Variants in PLEC observed in about 807,000 individuals in gnomAD.
PLEC encodes plectin.
Under a neutral mutation model 392.8 loss-of-function variants are expected in PLEC, and 216 were observed. That is an observed-to-expected ratio of 0.55 (90% confidence interval 0.49 to 0.62). The LOEUF is 0.62. Among genes scored for constraint, PLEC ranks in the 20% least tolerant of loss-of-function variants. PLEC has a pLI of 0.00. For synonymous variants in PLEC, 3,621 were observed against 2,980.6 expected (o/e 1.21, Z -7.00); for missense variants, 6,863 against 6,563.4 (o/e 1.05, Z -1.58).
At chr8:143,971,988 G>A (rs1554744456) in intron 1 of PLEC, among the ~76,000 whole-genome samples, 3 of 152,182 alleles carry the variant, frequency 2.0e-5, no homozygotes, top group African/African-American at 7.2e-5. Context: ...TCCCACCCCA[G>A]GAGGTAGAGG....
At chr8:143,975,938 G>A (rs1367471348), upstream of PLEC, among the ~76,000 whole-genome samples, 2 of 151,954 alleles carry the variant, frequency 1.3e-5, no homozygotes, top group African/African-American at 4.8e-5. The surrounding 1 kb of genome is among the most constrained non-coding windows in gnomAD (Gnocchi z 9.9). Flanking sequence ...GCTGACCACC[G>A]CCCCCTCCAC....
intron 1 of PLEC, among the ~76,000 whole-genome samples, chr8:143,960,541 C>T (rs1210599241): frequency 6.6e-6 from 1 of 151,848 alleles, no homozygotes; most frequent in African/African-American, 2.4e-5. Flanking sequence ...CCCTCTAACC[C>T]GGGAGGCGGA....
upstream of PLEC, among the ~76,000 whole-genome samples, chr8:143,951,734 C>T (rs1234907457): frequency 6.6e-6 from 1 of 152,148 alleles, no homozygotes; most frequent in East Asian, 1.9e-4. Flanking sequence ...CCCAAGTGCC[C>T]GTCTGCAGGC....
chr8:143,956,662 C>T (rs774078807), upstream of PLEC, among the ~76,000 whole-genome samples: 1 of 152,254 alleles, frequency 6.6e-6, no homozygotes, highest in Non-Finnish European at 1.5e-5. Flanking sequence ...CATGCACCGA[C>T]TCCGCCTTTA....
rs781818101 is a variant in PLEC, at chr8:143,925,110, G to A, written c.4819C>T (p.Arg1607Trp). Residue 1607 changes from arginine (R) to tryptophan (W), a missense_variant, in exon 31 of 32, where the codon CGG (arginine) becomes TGG (tryptophan). Transcript: ENST00000345136. ...QEEHVAVAQL[R>W]EEAERRAQQQ... ...TGTGCCCGCCGCTCAGCCTCCTCCC[G>A]CAGCTGTGCCACAGCCACGTGTTCC... is the stretch of plus-strand genomic sequence containing the variant. 25 of 1,554,256 alleles carry A rather than the reference G, an allele frequency of 1.6e-5. No homozygotes were observed. Among genetic ancestry groups the A allele is most frequent in the Admixed American group, 9.3e-5 (5 of 53,786 alleles).
chr8:143,927,559 C>G lies in PLEC; in HGVS notation c.3607G>C (p.Glu1203Gln), dbSNP rs1416611970. 2 of 1,593,134 alleles carry G rather than the reference C, an allele frequency of 1.3e-6. No homozygotes were observed. The highest frequency in any genetic ancestry group is 1.3e-5 in the African/African-American group (1 of 74,756). The part of the protein sequence containing the change: ...AQTDVRQREL[E>Q]QLGRQLRYYR... ...TAACGCAGCTGGCGGCCCAGTTGCT[C>G]GAGCTCGCGCTGCCGCACGTCGGTC... The change falls in exon 27 of 32, where the codon GAG (glutamate) becomes CAG (glutamine). Residue 1203 changes from glutamate (E) to glutamine (Q), a missense_variant. Physicochemically the swap from Glu to Gln is conservative, Grantham distance 29. Coordinates refer to ENST00000345136, the MANE Select transcript of PLEC (RefSeq NM_201384.3).
intron 25 of PLEC, 64 bp downstream of exon 25, chr8:143,929,037 TCA>T: frequency 7.0e-7 from 1 of 1,424,418 alleles, no homozygotes. Context: ...TCCTGCAAGG[TCA>T]CAGCCCTCAC....
At chr8:143,933,404 C>A (rs1827994720) in intron 12 of PLEC, 53 bp from the exon 13 acceptor site, 1 of 1,598,708 alleles carries the variant, frequency 6.3e-7, no homozygotes, top group Non-Finnish European at 8.5e-7. Context: ...TCTGACCTCA[C>A]AGGGGCCCCG....
At position 143,929,674 on chromosome 8, in the gene PLEC, G is replaced by A. The variant is rs782056466; in HGVS notation, c.2895C>T (p.Tyr965=). 3 of 1,601,030 alleles carry A rather than the reference G, an allele frequency of 1.9e-6. No individual in the cohort carries two copies. The highest frequency in any genetic ancestry group is 1.3e-5 in the African/African-American group (1 of 74,888). ...EREYGSCSHH[Y]QQLLQSLEQG... is the part of the protein sequence containing the mutation. ...GTTCCAGGCTCTGCAGCAGCTGCTG[G>A]TAGTGGTGGCTGCAGGAGCCGTACT... Residue 965 remains tyrosine, a synonymous_variant, in exon 23 of 32, where the codon TAC becomes TAT. Coordinates refer to ENST00000345136, the MANE Select transcript of PLEC (RefSeq NM_201384.3).
At position 143,923,263 on chromosome 8, in the gene PLEC, C is replaced by G. The variant is rs781836245; in HGVS notation, c.6666G>C (p.Gln2222His). Residue 2222 changes from glutamine (Q) to histidine (H), a missense_variant, in exon 31 of 32, where the codon CAG becomes CAC. Transcript: ENST00000345136. ...AGAGCTCCTCCTCCACCTGGCTGCG[C>G]TGGCGTGCGGCCTCCGTGGCCTCCG... ...LKAEATEAAR[Q>H]RSQVEEELFS... is the part of the protein sequence containing the mutation. 2 of 1,606,446 alleles carry G rather than the reference C, an allele frequency of 1.2e-6. No homozygotes were observed. The highest frequency in any genetic ancestry group is 1.7e-6 in the Non-Finnish European group (2 of 1,179,882).
At chr8:143,954,520 C>A (rs534998838), upstream of PLEC, among the ~76,000 whole-genome samples, 5 of 152,204 alleles carry the variant, frequency 3.3e-5, no homozygotes, top group African/African-American at 1.2e-4. This position sits in a 1 kb window ranked among gnomAD's most constrained non-coding sequence, Gnocchi z 4.6. Flanking sequence ...TCTCCACTGC[C>A]GCCAGATGAC....
Position 143,972,360 on chromosome 8 carries a change from T to TGGGCACAGCACTGTCAAAGAG in PLEC, c.70+1022_70+1042dup, listed in dbSNP as rs535961818. 2.1e-3 allele frequency among the ~76,000 whole-genome samples: 318 copies of TGGGCACAGCACTGTCAAAGAG among 152,344 alleles called. 3 individuals carry two copies. Among genetic ancestry groups the TGGGCACAGCACTGTCAAAGAG allele is most frequent in the African/African-American group, 7.0e-3 (290 of 41,574 alleles). ...GAACTAGTCACACAGGCAAAGCGGC[T>TGGGCACAGCACTGTCAAAGAG]GGGCACAGCACTGTCAAAGAGAGCC... On this transcript the variant is annotated intron_variant, in intron 1 of 31. Coordinates refer to the PLEC transcript ENST00000356346.
chr8:143,930,047 G>C lies in PLEC; in HGVS notation c.2628C>G (p.His876Gln), dbSNP rs1437273118. 4 of 1,611,508 alleles carry C rather than the reference G, an allele frequency of 2.5e-6. No individual in the cohort carries two copies. The African/African-American group carries it at 4.0e-5, about 16-fold the overall frequency. Residue 876 changes from histidine to glutamine, a missense_variant, in exon 22 of 32, where the codon CAC (histidine) becomes CAG (glutamine). His to Gln is a conservative substitution (Grantham distance 24). Coordinates refer to ENST00000345136, the MANE Select transcript of PLEC (RefSeq NM_201384.3). The stretch of plus-strand genomic sequence containing the variant: ...GGTGCCACAGCGTGACCAGGGCCTG[G>C]TGCTGGGCCTCCAGCCTGGCAGGTC... ...QEAVTRLEAQ[H>Q]QALVTLWHQL...
Position 143,933,016 on chromosome 8 carries a change from T to C in PLEC, c.1514A>G (p.Gln505Arg). The C allele has an allele frequency of 6.2e-7, 1 of 1,603,892 alleles. No individual in the cohort carries two copies. The highest frequency in any genetic ancestry group is 8.5e-7 in the Non-Finnish European group (1 of 1,176,366). The change falls in exon 14 of 32, where the codon CAG (glutamine) becomes CGG (arginine). Residue 505 changes from glutamine (Q) to arginine (R), a missense_variant. Transcript: ENST00000345136. ...GVAAPATQVA[Q>R]VTLQSVQRRP... ...CCTCTGCACACTCTGCAGAGTCACCTGGGCCACCTGGGTTGCAGGGGCCGC... is the reference window on the plus strand; with the variant it reads ...CCTCTGCACACTCTGCAGAGTCACCCGGGCCACCTGGGTTGCAGGGGCCGC...
At position 143,934,251 on chromosome 8, in the gene PLEC, G is replaced by A. The variant is rs1828311187; in HGVS notation, c.1169+67C>T. The A allele has an allele frequency of 6.9e-6, 11 of 1,604,924 alleles. No homozygotes were observed. The South Asian group carries it at 7.7e-5, about 11-fold the overall frequency. On this transcript the variant is annotated intron_variant, in intron 11 of 31. Transcript: ENST00000345136. The stretch of plus-strand genomic sequence containing the variant: ...CCCCGCCGGGGGCGGGGCGGGGAGG[G>A]GGGTTTCCTTCCCAGGCAGTGACAC...
chr8:143,939,611 A>T, upstream of PLEC: 1 of 1,469,480 alleles, frequency 6.8e-7, no homozygotes, highest in Non-Finnish European at 9.0e-7. Flanking sequence ...CGGTGCGGCC[A>T]CTCCCTGCCT....
At chr8:143,960,060 A>G (rs1393656868) in intron 1 of PLEC, among the ~76,000 whole-genome samples, 2 of 152,326 alleles carry the variant, frequency 1.3e-5, no homozygotes, top group Admixed American at 6.5e-5. Flanking sequence ...AGGCAGGCAG[A>G]TCACCTGAAG....
At chr8:143,959,327 C>G (rs543714720) in intron 1 of PLEC, among the ~76,000 whole-genome samples, 1 of 152,316 alleles carries the variant, frequency 6.6e-6, no homozygotes, top group South Asian at 2.1e-4. Flanking sequence ...CCAGTAATAA[C>G]AAGTTAGGAA....
At chr8:143,927,135 C>A (rs1586962406) in intron 28 of PLEC, 54 bp from the exon 29 acceptor site, 2 of 1,564,140 alleles carry the variant, frequency 1.3e-6, no homozygotes, top group East Asian at 4.5e-5. Flanking sequence ...TGGCCCCTGC[C>A]CAGCCCCTAA....
Sources: allele counts gnomAD v4.1 joint callset (sites outside exome capture counted in the v4.1 genomes callset), GRCh38; gene constraint gnomAD v4.1.1; non-coding constraint Gnocchi (gnomAD v3.1); transcripts MANE v1.5; gene names NCBI Gene and HGNC (gene_info 2026-07-23, HGNC 2026-07-21).